Variants in KHDRBS2 observed in about 807,000 individuals in gnomAD.
KHDRBS2 encodes KH domain-containing, RNA-binding, signal transduction-associated protein 2.
Under a neutral mutation model 44.3 loss-of-function variants are expected in KHDRBS2, and 26 were observed. The ratio of observed to expected loss-of-function variants is 0.59; its 90% confidence interval spans 0.43 to 0.81. The LOEUF (loss-of-function observed/expected upper bound fraction) is 0.81, where lower values mean the gene tolerates loss of function less well. Among genes scored for constraint, KHDRBS2 ranks in the 40% least tolerant of loss-of-function variants. The probability of loss-of-function intolerance (pLI) is 0.00; values close to 1 mark genes in which losing one functional copy is unlikely to be tolerated. For synonymous variants in KHDRBS2, 194 were observed against 151.1 expected (o/e 1.28, Z -2.08); for missense variants, 476 against 433.1 (o/e 1.10, Z -0.88).
At chr6:61,586,872 T>G in the KHDRBS2 span, among the ~76,000 whole-genome samples, 2 of 152,198 alleles carry the variant, frequency 1.3e-5, no homozygotes, top group Admixed American at 6.5e-5. Flanking sequence ...TTCTTCAGTT[T>G]GTTACATTCC....
chr6:61,932,346 TGG>T (rs1185437396), intron 4 of KHDRBS2, among the ~76,000 whole-genome samples: 3 of 152,234 alleles, frequency 2.0e-5, no homozygotes, highest in African/African-American at 7.2e-5. Flanking sequence ...TATAGTCACC[TGG>T]CGGTACAACA....
chr6:62,113,048 T>C (rs1805384249), intron 2 of KHDRBS2, among the ~76,000 whole-genome samples: 1 of 152,252 alleles, frequency 6.6e-6, no homozygotes, highest in South Asian at 2.1e-4. Context: ...AATGATTTGA[T>C]GTTATTTGGT....
intron 6 of KHDRBS2, among the ~76,000 whole-genome samples, chr6:61,755,365 C>T (rs1381772025): frequency 6.6e-6 from 1 of 152,024 alleles, no homozygotes; most frequent in Non-Finnish European, 1.5e-5. Flanking sequence ...GCCTTAGAGC[C>T]TTATTAGTCC....
intron 3 of KHDRBS2, among the ~76,000 whole-genome samples, chr6:62,045,759 C>CT: frequency 6.6e-6 from 1 of 151,616 alleles, no homozygotes; most frequent in Non-Finnish European, 1.5e-5. Flanking sequence ...ATCTTCTTTC[C>CT]TGTTTATGTC....
chr6:62,151,232 TAA>T (rs1009885775), intron 2 of KHDRBS2, among the ~76,000 whole-genome samples: 5 of 152,166 alleles, frequency 3.3e-5, no homozygotes, highest in Non-Finnish European at 5.9e-5. Flanking sequence ...AACACAAGGC[TAA>T]AACTTGCCCC....
intron 6 of KHDRBS2, among the ~76,000 whole-genome samples, chr6:61,783,246 C>T (rs1052704589): frequency 6.6e-5 from 10 of 152,092 alleles, no homozygotes; most frequent in Non-Finnish European, 1.5e-4. Flanking sequence ...TATACATTCT[C>T]ACAGACCGCT....
intron 4 of KHDRBS2, among the ~76,000 whole-genome samples, chr6:61,967,983 C>T (rs1770495052): frequency 6.7e-6 from 1 of 149,132 alleles, no homozygotes; most frequent in South Asian, 2.1e-4. Flanking sequence ...TGCACACACA[C>T]ACATACTGAA....
At chr6:62,060,300 T>C (rs1791457989) in intron 2 of KHDRBS2, among the ~76,000 whole-genome samples, 1 of 151,440 alleles carries the variant, frequency 6.6e-6, no homozygotes, top group South Asian at 2.1e-4. Context: ...TGGGGGTGAG[T>C]GGGAAGTAGG....
chr6:62,128,761 C>G (rs1377519600), intron 2 of KHDRBS2, among the ~76,000 whole-genome samples: 1 of 151,602 alleles, frequency 6.6e-6, no homozygotes, highest in African/African-American at 2.4e-5. Context: ...ATTAATCTTT[C>G]CTTCTTCCAG....
intron 2 of KHDRBS2, among the ~76,000 whole-genome samples, chr6:62,105,541 C>A (rs1483102150): frequency 6.6e-6 from 1 of 152,064 alleles, no homozygotes; most frequent in Non-Finnish European, 1.5e-5. Flanking sequence ...TCCATTTCTT[C>A]TAGATTTTCT....
intron 2 of KHDRBS2, among the ~76,000 whole-genome samples, chr6:62,140,525 TCTTA>T (rs1377021498): frequency 2.0e-5 from 3 of 152,194 alleles, no homozygotes; most frequent in Non-Finnish European, 4.4e-5. Flanking sequence ...GATTAGGGGT[TCTTA>T]ATTAAAATCC....
chr6:62,072,719 G>C (rs184082389), intron 2 of KHDRBS2, among the ~76,000 whole-genome samples: 1 of 152,210 alleles, frequency 6.6e-6, no homozygotes. Flanking sequence ...TAAGCTTTTT[G>C]ATGTGCTGCT....
At chr6:61,720,504 T>C (rs1438841846) in intron 7 of KHDRBS2, among the ~76,000 whole-genome samples, 2 of 152,236 alleles carry the variant, frequency 1.3e-5, no homozygotes, top group Non-Finnish European at 2.9e-5. Context: ...ATTGTGGTTT[T>C]GATTTGCATT....
chr6:61,682,528 A>G (rs1050007755), intron 8 of KHDRBS2, among the ~76,000 whole-genome samples: 1 of 151,902 alleles, frequency 6.6e-6, no homozygotes, highest in East Asian at 1.9e-4. Context: ...TTTTATAAAT[A>G]GTTTTACTGG....
At chr6:62,103,945 A>T (rs1156261116) in intron 2 of KHDRBS2, among the ~76,000 whole-genome samples, 6 of 152,222 alleles carry the variant, frequency 3.9e-5, no homozygotes, top group Admixed American at 2.6e-4. Flanking sequence ...ACAGATCTTT[A>T]CTATAAGAAA....
At chr6:62,065,117 A>T (rs1343117612) in intron 2 of KHDRBS2, among the ~76,000 whole-genome samples, 1 of 151,780 alleles carries the variant, frequency 6.6e-6, no homozygotes, top group African/African-American at 2.4e-5. Flanking sequence ...GGCAATCATT[A>T]AAAAGTCAGG....
intron 1 of KHDRBS2, among the ~76,000 whole-genome samples, chr6:62,205,634 A>G (rs1827818240): frequency 6.6e-6 from 1 of 152,090 alleles, no homozygotes; most frequent in Non-Finnish European, 1.5e-5. Context: ...TGTGCATTAG[A>G]GAGAAAAGAA....
chr6:62,043,040 T>C (rs1357036389), intron 3 of KHDRBS2, among the ~76,000 whole-genome samples: 2 of 152,026 alleles, frequency 1.3e-5, no homozygotes. Flanking sequence ...AATAGGTGAG[T>C]CTAAGAAATT....
At chr6:61,914,279 T>G (rs111652258) in intron 4 of KHDRBS2, among the ~76,000 whole-genome samples, 2 of 152,224 alleles carry the variant, frequency 1.3e-5, no homozygotes, top group African/African-American at 4.8e-5. Context: ...TTCCAAATTT[T>G]TGGTTTGTGC....
Sources: allele counts gnomAD v4.1 joint callset (sites outside exome capture counted in the v4.1 genomes callset), GRCh38; gene constraint gnomAD v4.1.1; transcripts MANE v1.5; gene names NCBI Gene and HGNC (gene_info 2026-07-23, HGNC 2026-07-21).